SERHL2: variants seen among roughly 807,000 people sequenced by gnomAD.
SERHL2 encodes serine hydrolase-like protein 2.
In SERHL2, 29 loss-of-function variants were observed where a neutral mutation model predicts 25.5. That is an observed-to-expected ratio of 1.14 (90% CI 0.85 to 1.55). The LOEUF (loss-of-function observed/expected upper bound fraction) is 1.55, where lower values mean the gene tolerates loss of function less well. Among genes scored for constraint, SERHL2 ranks in the 40% most tolerant of loss-of-function variants. SERHL2 has a pLI of 0.00. For missense variants in SERHL2, 240 were observed against 252.3 expected (o/e 0.95, Z 0.33); for synonymous variants, 95 against 103.5 (o/e 0.92, Z 0.50).
intron 9 of SERHL2, among the ~76,000 whole-genome samples, chr22:42,570,256 T>G (rs533589164): frequency 4.3e-4 from 65 of 152,098 alleles, no homozygotes; most frequent in Non-Finnish European, 8.2e-4. Context: ...ACCCTGTCGC[T>G]ACTAAAAATA....
chr22:42,559,892 A>T (rs1217602439), intron 7 of SERHL2, among the ~76,000 whole-genome samples: 1 of 151,516 alleles, frequency 6.6e-6, no homozygotes, highest in East Asian at 1.9e-4. Flanking sequence ...GCTCACTGCA[A>T]CCTCTGCCTC....
chr22:42,564,290 C>G (rs1166740508), intron 8 of SERHL2, among the ~76,000 whole-genome samples: 1 of 151,540 alleles, frequency 6.6e-6, no homozygotes, highest in East Asian at 1.9e-4. Context: ...CATTTTTAGA[C>G]AAGTCTATCT....
At chr22:42,570,412 C>T (rs746629858) in intron 9 of SERHL2, among the ~76,000 whole-genome samples, 1 of 151,952 alleles carries the variant, frequency 6.6e-6, no homozygotes, top group East Asian at 1.9e-4. Context: ...GAGCAAAACT[C>T]GGTCTCAAAT....
intron 8 of SERHL2, among the ~76,000 whole-genome samples, chr22:42,566,004 T>C (rs1041507363): frequency 6.6e-6 from 1 of 152,020 alleles, no homozygotes; most frequent in Non-Finnish European, 1.5e-5. Flanking sequence ...TCTCAGAGAC[T>C]AGAGCTCCAC....
intron 9 of SERHL2, among the ~76,000 whole-genome samples, chr22:42,567,335 ATTTTC>A (rs910985463): frequency 6.6e-6 from 1 of 151,692 alleles, no homozygotes; most frequent in Non-Finnish European, 1.5e-5. Flanking sequence ...ATAGTGATTC[ATTTTC>A]TTTTCTTTTT....
intron 9 of SERHL2, among the ~76,000 whole-genome samples, chr22:42,567,658 G>A (rs1340860572): frequency 6.7e-6 from 1 of 150,014 alleles, no homozygotes; most frequent in Non-Finnish European, 1.5e-5. Context: ...GCGACAGAGC[G>A]AGACTCCATG....
At chr22:42,568,390 C>T (rs1268554034) in intron 9 of SERHL2, among the ~76,000 whole-genome samples, 1 of 151,080 alleles carries the variant, frequency 6.6e-6, no homozygotes, top group East Asian at 1.9e-4. Flanking sequence ...CTAAGGCTCA[C>T]TCACTGGTGG....
At chr22:42,573,807 A>T (rs1215095986) in intron 11 of SERHL2, 129 bp from the exon 12 acceptor site, 1 of 849,646 alleles carries the variant, frequency 1.2e-6, no homozygotes, top group African/African-American at 1.7e-5. Context: ...TGTGGGGGAA[A>T]CTCACTGTGG....
intron 9 of SERHL2, among the ~76,000 whole-genome samples, chr22:42,568,196 T>C (rs185966054): frequency 1.3e-5 from 1 of 77,346 alleles, no homozygotes. Flanking sequence ...GCTAAATTTT[T>C]TACTTTTGTA....
intron 7 of SERHL2, among the ~76,000 whole-genome samples, chr22:42,559,051 GCA>G (rs1458074467): frequency 1.6e-5 from 1 of 61,650 alleles, no homozygotes; most frequent in Admixed American, 1.7e-4. Flanking sequence ...ACACGCACGC[GCA>G]CACACACCCA....
intron 9 of SERHL2, chr22:42,570,010 G>A (rs895624982): frequency 6.6e-6 from 1 of 152,030 alleles, no homozygotes; most frequent in Non-Finnish European, 1.5e-5. Flanking sequence ...CACGTGCTGA[G>A]AACTAGGGAT....
chr22:42,566,250 C>A, intron 8 of SERHL2, 54 bp from the exon 9 acceptor site: 3 of 1,582,336 alleles, frequency 1.9e-6, no homozygotes, highest in South Asian at 2.2e-5. Context: ...ACGGAGCGTC[C>A]CCTGACCCTG....
intron 7 of SERHL2, 82 bp from the exon 8 acceptor site, chr22:42,560,104 C>G (rs1030238560): frequency 5.2e-6 from 5 of 966,544 alleles, no homozygotes; most frequent in Admixed American, 1.8e-5. Flanking sequence ...GAGCCACCGT[C>G]CCCCCCGGCC....
At chr22:42,557,557 CAAAAAAAAAAA>C (rs3046378) in intron 6 of SERHL2, among the ~76,000 whole-genome samples, 2 of 45,500 alleles carry the variant, frequency 4.4e-5, no homozygotes, top group African/African-American at 9.4e-5. Context: ...CTCCGTCTCC[CAAAAAAAAAAA>C]AAAAAAAAAA....
chr22:42,562,512 C>A (rs1167102316), intron 8 of SERHL2, among the ~76,000 whole-genome samples: 2 of 151,606 alleles, frequency 1.3e-5, no homozygotes, highest in African/African-American at 2.4e-5. Flanking sequence ...GGGTGGGTTA[C>A]AGAGTGCGTG....
At chr22:42,566,069 G>T (rs1444753812) in intron 8 of SERHL2, among the ~76,000 whole-genome samples, 1 of 152,076 alleles carries the variant, frequency 6.6e-6, no homozygotes, top group Non-Finnish European at 1.5e-5. Flanking sequence ...CGGCCCTTTG[G>T]GGTGGCCGGT....
chr22:42,570,247 C>A (rs547685680), intron 9 of SERHL2, among the ~76,000 whole-genome samples: 1 of 152,124 alleles, frequency 6.6e-6, no homozygotes, highest in South Asian at 2.1e-4. Context: ...CATGGTGAAA[C>A]CCTGTCGCTA....
chr22:42,572,479 A>G lies in SERHL2; in HGVS notation c.775A>G (p.Lys259Glu), dbSNP rs1358970505. The G allele has an allele frequency of 7.4e-6, 12 of 1,612,020 alleles. 1 individual carries two copies. Among genetic ancestry groups the G allele is most frequent in the Admixed American group, 6.7e-5 (4 of 59,978 alleles). ...YFDSRQNYSE[K>E]ESLSFMIDTM... ...TGATTCAAGACAGAATTACTCTGAG[A>G]AGGAGTCCCTGTCGTTCATGATAGA... The change falls in exon 11 of 12, where the codon AAG (lysine) becomes GAG (glutamate). Residue 259 changes from lysine (K) to glutamate (E), a missense_variant. Lys to Glu is a moderately conservative substitution (Grantham distance 56, BLOSUM62 1). Around this residue, in one of 4 missense-constraint regions of SERHL2, gnomAD observed 212 missense variants for 168.9 expected, o/e 1.25. Coordinates refer to ENST00000327678, the MANE Select transcript of SERHL2 (RefSeq NM_014509.5).
chr22:42,561,364 G>A (rs1922656448), intron 8 of SERHL2, among the ~76,000 whole-genome samples: 1 of 151,724 alleles, frequency 6.6e-6, no homozygotes, highest in Non-Finnish European at 1.5e-5. Context: ...CCCCTTGTTT[G>A]CTCAGGTGAC....
Sources: allele counts gnomAD v4.1 joint callset (sites outside exome capture counted in the v4.1 genomes callset), GRCh38; gene constraint gnomAD v4.1.1; regional missense constraint gnomAD v4.1.1; transcripts MANE v1.5; gene names NCBI Gene and HGNC (gene_info 2026-07-23, HGNC 2026-07-21).